XIRP2: variants seen among roughly 807,000 people sequenced by gnomAD.
XIRP2 encodes xin actin-binding repeat-containing protein 2.
In XIRP2, 236 loss-of-function variants were observed where a neutral mutation model predicts 277.0. The ratio of observed to expected loss-of-function variants is 0.85; its 90% CI spans 0.77 to 0.95. The LOEUF (loss-of-function observed/expected upper bound fraction) is 0.95, where lower values mean the gene tolerates loss of function less well. Ranked by LOEUF, XIRP2 falls within the 40% of genes least tolerant of loss-of-function variation. The pLI, the probability that XIRP2 is intolerant of heterozygous loss-of-function variation, is 0.00. For synonymous variants in XIRP2, 1,490 were observed against 1,416.5 expected (o/e 1.05, Z -1.17); for missense variants, 4,640 against 4,157.5 (o/e 1.12, Z -3.19).
chr2:167,159,731 A>T (rs570490754), intron 3 of XIRP2, among the ~76,000 whole-genome samples: 2 of 152,348 alleles, frequency 1.3e-5, no homozygotes, highest in African/African-American at 4.8e-5. Flanking sequence ...TATATTTCTT[A>T]TGAAGATTAT....
chr2:167,027,072 TCTC>T (rs1472351552), intron 2 of XIRP2, among the ~76,000 whole-genome samples: 1 of 152,152 alleles, frequency 6.6e-6, no homozygotes, highest in East Asian at 1.9e-4. Context: ...TTGGGGAAGT[TCTC>T]CTGGATAATA....
intron 3 of XIRP2, among the ~76,000 whole-genome samples, chr2:167,176,958 A>T (rs1692864087): frequency 1.3e-5 from 2 of 152,080 alleles, no homozygotes; most frequent in Non-Finnish European, 2.9e-5. Flanking sequence ...ACTGTCTTGC[A>T]CTCAGATTAA....
At chr2:167,137,896 C>T (rs538487865) in intron 3 of XIRP2, among the ~76,000 whole-genome samples, 99 of 152,154 alleles carry the variant, frequency 6.5e-4, no homozygotes, top group African/African-American at 2.3e-3. Context: ...GGATCCTTTT[C>T]GTTCTTTCAT....
At chr2:167,123,098 G>A (rs1450389955) in intron 2 of XIRP2, among the ~76,000 whole-genome samples, 2 of 152,022 alleles carry the variant, frequency 1.3e-5, no homozygotes, top group African/African-American at 4.8e-5. Flanking sequence ...TTTTGATCGG[G>A]GATTATAAAA....
intron 3 of XIRP2, among the ~76,000 whole-genome samples, chr2:167,154,773 C>CA (rs967526592): frequency 6.8e-4 from 103 of 151,754 alleles, no homozygotes; most frequent in African/African-American, 2.4e-3. Context: ...AATAGAGACA[C>CA]AAAAAACCCT....
chr2:166,943,548 T>C (rs533868972), intron 2 of XIRP2, among the ~76,000 whole-genome samples: 1 of 152,356 alleles, frequency 6.6e-6, no homozygotes, highest in East Asian at 1.9e-4. Context: ...AAACAATGCC[T>C]TTCTACTTCA....
chr2:167,240,716 A>C lies in XIRP2; in HGVS notation c.1022A>C (p.His341Pro). 19 of 1,613,822 alleles carry C rather than the reference A, an allele frequency of 1.2e-5. No individual in the cohort carries two copies. The highest frequency in any genetic ancestry group is 1.6e-5 in the Non-Finnish European group (19 of 1,179,792). Residue 341 changes from histidine to proline, a missense_variant, in exon 7 of 11, where the codon CAT becomes CCT. Transcript: ENST00000409195. Reference sequence around the variant, plus strand: ...GAAGTAAACCAAGCATCTCAGTTTCATCAATATGTTCAAGAAACTGGTAAG... The same window carrying C: ...GAAGTAAACCAAGCATCTCAGTTTCCTCAATATGTTCAAGAAACTGGTAAG... Reference protein sequence around the residue: ...TEEVNQASQFHQYVQETVIDT... With the variant: ...TEEVNQASQFPQYVQETVIDT...
chr2:167,055,316 G>A (rs1511202), intron 2 of XIRP2, among the ~76,000 whole-genome samples: 54,047 of 152,000 alleles, frequency 0.36, 11,741 homozygotes, highest in African/African-American at 0.6. Flanking sequence ...AGTAAATGAG[G>A]TGGAGTAACT....
At chr2:166,940,234 G>A (rs1363423442) in intron 2 of XIRP2, among the ~76,000 whole-genome samples, 1 of 151,988 alleles carries the variant, frequency 6.6e-6, no homozygotes, top group South Asian at 2.1e-4. Context: ...CCAGTTGATC[G>A]AATCAGCTAC....
intron 3 of XIRP2, among the ~76,000 whole-genome samples, chr2:167,200,790 A>T (rs982406371): frequency 3.9e-5 from 6 of 152,052 alleles, no homozygotes; most frequent in African/African-American, 1.4e-4. Context: ...GCTGGGAAGT[A>T]GATGTTTATA....
intron 3 of XIRP2, among the ~76,000 whole-genome samples, chr2:167,142,390 A>G (rs187822217): frequency 1.3e-5 from 2 of 151,980 alleles, no homozygotes; most frequent in East Asian, 1.9e-4. Flanking sequence ...TCTACTAAAA[A>G]TACAAAAATT....
At chr2:166,941,683 T>A (rs974462862) in intron 2 of XIRP2, among the ~76,000 whole-genome samples, 5 of 152,224 alleles carry the variant, frequency 3.3e-5, no homozygotes, top group African/African-American at 1.2e-4. Flanking sequence ...TATTCCTTAA[T>A]GATGATTTTT....
intron 1 of XIRP2, among the ~76,000 whole-genome samples, chr2:166,894,584 TATTA>T (rs1389102713): frequency 7.2e-5 from 11 of 152,310 alleles, no homozygotes; most frequent in Admixed American, 2.0e-4. Flanking sequence ...TTGCTCCAAG[TATTA>T]ATTCTAGTAT....
intron 2 of XIRP2, among the ~76,000 whole-genome samples, chr2:167,075,823 T>G (rs1383458560): frequency 6.6e-6 from 1 of 151,910 alleles, no homozygotes; most frequent in South Asian, 2.1e-4. Flanking sequence ...TTTTTTTTTT[T>G]TGTATTTTTA....
At chr2:166,951,852 A>G (rs903940263) in intron 2 of XIRP2, among the ~76,000 whole-genome samples, 3 of 152,058 alleles carry the variant, frequency 2.0e-5, no homozygotes, top group African/African-American at 7.2e-5. Flanking sequence ...TTTGGAGAGC[A>G]CAGACTTGAG....
intron 2 of XIRP2, among the ~76,000 whole-genome samples, chr2:167,017,891 A>G (rs368513592): frequency 2.0e-5 from 3 of 152,010 alleles, no homozygotes; most frequent in African/African-American, 7.2e-5. Context: ...TTTCCCAACC[A>G]GATCCATGAC....
chr2:166,949,128 G>A (rs1229592317), intron 2 of XIRP2, among the ~76,000 whole-genome samples: 1 of 151,822 alleles, frequency 6.6e-6, no homozygotes, highest in Non-Finnish European at 1.5e-5. Context: ...GGCTCATGAG[G>A]TTCATGAGCA....
At chr2:166,901,883 A>G (rs1397703) in intron 1 of XIRP2, among the ~76,000 whole-genome samples, 68,956 of 151,808 alleles carry the variant, frequency 0.45, 16,639 homozygotes, top group African/African-American at 0.62. Flanking sequence ...TAAAATACCC[A>G]CCTTTCGTCT....
At chr2:167,125,977 C>A (rs541624526) in intron 2 of XIRP2, among the ~76,000 whole-genome samples, 5 of 152,278 alleles carry the variant, frequency 3.3e-5, no homozygotes, top group African/African-American at 1.2e-4. Flanking sequence ...GCTTCTGTTG[C>A]CTGGGACATC....
Sources: allele counts gnomAD v4.1 joint callset (sites outside exome capture counted in the v4.1 genomes callset), GRCh38; gene constraint gnomAD v4.1.1; transcripts MANE v1.5; gene names NCBI Gene and HGNC (gene_info 2026-07-23, HGNC 2026-07-21).